DENR: variants seen among roughly 807,000 people sequenced by gnomAD.
DENR encodes density regulated re-initiation and release factor.
In DENR, 6 loss-of-function variants were observed where a neutral mutation model predicts 30.6. That is an observed-to-expected ratio of 0.20 (90% CI 0.11 to 0.39). The LOEUF (loss-of-function observed/expected upper bound fraction) is 0.39. DENR is among the 10% of genes least tolerant of loss of function. DENR has a pLI of 1.00. For missense variants in DENR, 141 were observed against 230.9 expected (o/e 0.61, Z 2.52); for synonymous variants, 78 against 72.1 (o/e 1.08, Z -0.41).
chr12:122,762,222 T>C lies in DENR; in HGVS notation c.126+16T>C. 5.0e-6 allele frequency: 7 copies of C among 1,398,458 alleles called. No individual in the cohort carries two copies. Among genetic ancestry groups the C allele is most frequent in the Non-Finnish European group, 6.8e-6 (7 of 1,029,346 alleles). The allele number at this position is 1,398,458 out of a possible 1,614,324, so 86.6% of individuals were successfully genotyped here. A position where few individuals can be genotyped will look rare whatever the true frequency, so the allele number is the denominator to read the frequency against. On this transcript the variant is annotated intron_variant, in intron 3 of 7. Coordinates refer to ENST00000280557, the MANE Select transcript of DENR (RefSeq NM_003677.5). Reference sequence around the variant, plus strand: ...ACCAACAGAGGTAAGTTCTTTAATTTTTTTTTTTACCTTATGTATTTGAAG... The same window carrying C: ...ACCAACAGAGGTAAGTTCTTTAATTCTTTTTTTTACCTTATGTATTTGAAG...
chr12:122,766,879 G>A (rs931636263), intron 5 of DENR, among the ~76,000 whole-genome samples: 1 of 152,244 alleles, frequency 6.6e-6, no homozygotes, highest in African/African-American at 2.4e-5. Flanking sequence ...CAGATCCACC[G>A]AAACACAGAT....
chr12:122,762,696 T>C, intron 3 of DENR, 149 bp from the exon 4 acceptor site: 1 of 624,146 alleles, frequency 1.6e-6, no homozygotes, highest in Non-Finnish European at 2.8e-6. Flanking sequence ...ATATCGTGGT[T>C]GAATACAGAT....
intron 2 of DENR, among the ~76,000 whole-genome samples, chr12:122,756,029 A>G (rs372359819): frequency 1.7e-4 from 26 of 152,204 alleles, no homozygotes; most frequent in African/African-American, 5.8e-4. Context: ...GACTATAAAC[A>G]ATTTTTACCT....
Position 122,769,537 on chromosome 12 carries a change from C to A in DENR, c.*459C>A. ...CTCTTTTTTTTTTTTGACAGAGTCTCGCACTGTTGCCTGGGCTGGAATGCA... is the reference window on the plus strand; with the variant it reads ...CTCTTTTTTTTTTTTGACAGAGTCTAGCACTGTTGCCTGGGCTGGAATGCA... On this transcript the variant is annotated 3_prime_UTR_variant, in exon 8 of 8. Transcript: ENST00000280557. 1.1e-6 allele frequency: 1 copy of A among 943,578 alleles called. No individual in the cohort carries two copies. The highest frequency in any genetic ancestry group is 1.3e-6 in the Non-Finnish European group (1 of 784,338). 58.5% of individuals were successfully genotyped at this position (943,578 alleles called of 1,614,324 possible). A position where few individuals can be genotyped will look rare whatever the true frequency, so the allele number is the denominator to read the frequency against.
chr12:122,756,956 A>G (rs1165672967), intron 2 of DENR, among the ~76,000 whole-genome samples: 1 of 152,192 alleles, frequency 6.6e-6, no homozygotes, highest in Non-Finnish European at 1.5e-5. Flanking sequence ...GAGGTTGAAA[A>G]ATAAATTATG....
At chr12:122,767,211 A>G (rs1013333706) in intron 5 of DENR, among the ~76,000 whole-genome samples, 15 of 152,332 alleles carry the variant, frequency 9.8e-5, no homozygotes, top group Non-Finnish European at 5.9e-5. Flanking sequence ...TGTATGTATC[A>G]GGTTGCTGTA....
chr12:122,753,231 C>T (rs1216906675), intron 1 of DENR, among the ~76,000 whole-genome samples: 2 of 151,820 alleles, frequency 1.3e-5, no homozygotes, highest in African/African-American at 4.8e-5. Context: ...AGGCCCCTCT[C>T]ATGGCGTTTA....
In DENR at chr12:122,763,103, A is replaced by G. The variant is rs1593762421; in HGVS notation, c.211+174A>G. The G allele has an allele frequency of 2.4e-5, 13 of 537,432 alleles. No homozygotes were observed. In the East Asian group the frequency reaches 4.4e-4, roughly 18 times the overall value. The allele number at this position is 537,432 out of a possible 1,614,324, so 33.3% of individuals were successfully genotyped here. A position where few individuals can be genotyped will look rare whatever the true frequency, so the allele number is the denominator to read the frequency against. ...GATAGGTCTGAATATCAACTTTCTT[A>G]CATAAAAAAGTAAATGGGCCGGGCG... is the stretch of plus-strand genomic sequence containing the variant. On this transcript the variant is annotated intron_variant, in intron 4 of 7. Transcript: ENST00000280557.
intron 7 of DENR, 34 bp from the exon 8 acceptor site, chr12:122,769,000 C>T (rs532771001): frequency 1.9e-6 from 3 of 1,608,500 alleles, no homozygotes; most frequent in Admixed American, 1.7e-5. Flanking sequence ...ATTGCAACCA[C>T]AACTCATGAG....
At position 122,768,766 on chromosome 12, in the gene DENR, T is replaced by C. The variant is rs780400156; in HGVS notation, c.413-16T>C. ...TCCAATTACAGTTCTTGCTCTTTCT[T>C]TTTTTAAAAAAATAGAAATTGATCT... On this transcript the variant is annotated splice_polypyrimidine_tract_variant and intron_variant, in intron 6 of 7. Transcript: ENST00000280557. 3 of 1,529,496 alleles carry C rather than the reference T, an allele frequency of 2.0e-6. No individual in the cohort carries two copies. The Middle Eastern group carries it at 6.9e-4, about 354-fold the overall frequency. The allele number at this position is 1,529,496 out of a possible 1,614,324, so 94.7% of individuals were successfully genotyped here.
intron 2 of DENR, among the ~76,000 whole-genome samples, chr12:122,755,791 G>T (rs1878535417): frequency 6.6e-6 from 1 of 152,142 alleles, no homozygotes; most frequent in African/African-American, 2.4e-5. Context: ...CTACTGAAAG[G>T]TGCCTTTCTA....
intron 6 of DENR, among the ~76,000 whole-genome samples, chr12:122,768,453 G>C (rs950734761): frequency 6.6e-6 from 1 of 151,886 alleles, no homozygotes; most frequent in African/African-American, 2.4e-5. Context: ...AGCCAAGATC[G>C]AGCCACTGCA....
At position 122,769,503 on chromosome 12, in the gene DENR, T is replaced by G; in HGVS notation, c.*425T>G. 4 of 975,094 alleles carry G rather than the reference T, an allele frequency of 4.1e-6. No individual in the cohort carries two copies. Among genetic ancestry groups the G allele is most frequent in the Non-Finnish European group, 3.6e-6 (3 of 822,316 alleles). 60.4% of individuals were successfully genotyped at this position (975,094 alleles called of 1,614,324 possible). On this transcript the variant is annotated 3_prime_UTR_variant, in exon 8 of 8. Transcript: ENST00000280557. ...TCATTTGGTACTGACTTTCTCTCTC[T>G]CTCTCTCTCTCTTTTTTTTTTTTGA... is the stretch of plus-strand genomic sequence containing the variant.
At chr12:122,753,191 G>T (rs1225103676) in intron 1 of DENR, among the ~76,000 whole-genome samples, 2 of 142,198 alleles carry the variant, frequency 1.4e-5, no homozygotes, top group Non-Finnish European at 1.5e-5. Flanking sequence ...TGGTTACCCC[G>T]CCCCCTCCCA....
intron 2 of DENR, among the ~76,000 whole-genome samples, chr12:122,757,012 G>A (rs1320214827): frequency 6.6e-6 from 1 of 152,164 alleles, no homozygotes; most frequent in Non-Finnish European, 1.5e-5. Flanking sequence ...GAGGACAAGG[G>A]AGATGGGAGA....
At chr12:122,762,235 TATG>T in intron 3 of DENR, 29 bp downstream of exon 3, 1 of 1,354,306 alleles carries the variant, frequency 7.4e-7, no homozygotes, top group Non-Finnish European at 1.0e-6. Context: ...TTTTTTACCT[TATG>T]TATTTGAAGT....
intron 1 of DENR, 25 bp from the exon 2 acceptor site, chr12:122,753,668 G>A (rs781165606): frequency 1.3e-6 from 2 of 1,549,486 alleles, no homozygotes; most frequent in Non-Finnish European, 1.8e-6. Flanking sequence ...AAATAGTGAG[G>A]GTGTGTTATT....
intron 3 of DENR, 107 bp downstream of exon 3, chr12:122,762,313 T>A: frequency 1.3e-6 from 1 of 796,622 alleles, no homozygotes; most frequent in Non-Finnish European, 1.9e-6. Flanking sequence ...TATTTGATAG[T>A]AAAGCTTTAA....
At chr12:122,755,443 G>T (rs983298755) in intron 2 of DENR, among the ~76,000 whole-genome samples, 1 of 152,080 alleles carries the variant, frequency 6.6e-6, no homozygotes, top group African/African-American at 2.4e-5. Flanking sequence ...GCCAGGCCTG[G>T]TGGCAGGCAC....
Sources: allele counts gnomAD v4.1 joint callset (sites outside exome capture counted in the v4.1 genomes callset), GRCh38; gene constraint gnomAD v4.1.1; transcripts MANE v1.5; gene names NCBI Gene and HGNC (gene_info 2026-07-23, HGNC 2026-07-21).